PFKFB3: variants seen among roughly 807,000 people sequenced by gnomAD.
PFKFB3 encodes the protein 6-phosphofructo-2-kinase/fructose-2,6-bisphosphatase 3.
PFKFB3 carries 33 observed loss-of-function variants against 68.0 expected under a neutral mutation model. The ratio of observed to expected loss-of-function variants is 0.49; its 90% CI spans 0.37 to 0.65. PFKFB3 has a LOEUF of 0.65. Ranked by LOEUF, PFKFB3 falls within the 30% of genes least tolerant of loss-of-function variation. The pLI is 0.00. For synonymous variants in PFKFB3, 315 were observed against 288.2 expected, an observed-to-expected ratio of 1.09 and a Z score of -0.94; for missense variants, 586 against 712.2, an observed-to-expected ratio of 0.82 and a Z score of 2.02.
downstream of PFKFB3, chr10:6,254,685 C>T (rs1027035083): frequency 1.9e-5 from 4 of 209,926 alleles, no homozygotes; most frequent in Admixed American, 2.4e-4. Context: ...TTTTACCCAA[C>T]TATAGGCTAA....
At chr10:6,316,154 T>C in the PFKFB3 span, among the ~76,000 whole-genome samples, 1 of 152,206 alleles carries the variant, frequency 6.6e-6, no homozygotes, top group Admixed American at 6.5e-5. Context: ...AGGTGGACTG[T>C]GATAGACGTA....
At chr10:6,322,996 G>A in the PFKFB3 span, among the ~76,000 whole-genome samples, 1 of 152,246 alleles carries the variant, frequency 6.6e-6, no homozygotes, top group African/African-American at 2.4e-5. Flanking sequence ...AAGACCATCT[G>A]TTACATTGTC....
chr10:6,263,699 G>C, the PFKFB3 span, among the ~76,000 whole-genome samples: 1 of 146,458 alleles, frequency 6.8e-6, no homozygotes, highest in South Asian at 2.2e-4. Flanking sequence ...ATTTTCTTCT[G>C]TTTTTGAGAC....
At chr10:6,232,869 C>T (rs372085997) in intron 14 of PFKFB3, 26 bp from the exon 15 acceptor site, 1 of 1,603,850 alleles carries the variant, frequency 6.2e-7, no homozygotes, top group Non-Finnish European at 8.5e-7. Context: ...AACTCCCTCC[C>T]CACCTCTCTT....
chr10:6,152,648 G>A (rs1173313417), intron 1 of PFKFB3, among the ~76,000 whole-genome samples: 3 of 152,088 alleles, frequency 2.0e-5, no homozygotes, highest in South Asian at 4.1e-4. Context: ...AGGCTGAGGT[G>A]GGAGGATTGC....
intron 1 of PFKFB3, among the ~76,000 whole-genome samples, chr10:6,175,775 T>A (rs1354064349): frequency 6.6e-6 from 1 of 152,174 alleles, no homozygotes; most frequent in Non-Finnish European, 1.5e-5. Context: ...CCTCCCTAAT[T>A]ATTCAAGAGA....
chr10:6,280,802 A>G, the PFKFB3 span, among the ~76,000 whole-genome samples: 3 of 150,692 alleles, frequency 2.0e-5, no homozygotes, highest in Non-Finnish European at 3.0e-5. Context: ...TTTTTGTTTT[A>G]AATTTTTTAT....
the PFKFB3 span, among the ~76,000 whole-genome samples, chr10:6,311,977 G>C: frequency 6.6e-6 from 1 of 152,282 alleles, no homozygotes; most frequent in Admixed American, 6.5e-5. Context: ...TAGAGGCACA[G>C]ACTACATTTA....
At chr10:6,187,017 G>A (rs634506) in intron 1 of PFKFB3, among the ~76,000 whole-genome samples, 67,542 of 151,294 alleles carry the variant, frequency 0.45, 16,203 homozygotes, top group Non-Finnish European at 0.56. Context: ...GAAGCTGGCA[G>A]GGGAGACCAA....
chr10:6,284,272 G>A, the PFKFB3 span, among the ~76,000 whole-genome samples: 14 of 152,232 alleles, frequency 9.2e-5, no homozygotes, highest in South Asian at 1.2e-3. Context: ...TTTTTATACC[G>A]GGGTGTTGAA....
In PFKFB3 at chr10:6,174,319, A is replaced by T. The variant is rs17151438; in HGVS notation, c.16+29306A>T. ...CCTTTCCCGTCCAGCCTTACAGCCT[A>T]GTTTATCAATCCAGGACAGGGGTTC... On this transcript the variant is annotated intron_variant, in intron 1 of 14. Transcript: ENST00000379789. Among the ~76,000 whole-genome samples the T allele has an allele frequency of 2.7e-4, 41 of 152,328 alleles. No individual in the cohort carries two copies. The East Asian group carries it at 7.5e-3, about 28-fold the overall frequency.
At chr10:6,182,402 A>C (rs1445184210) in intron 1 of PFKFB3, among the ~76,000 whole-genome samples, 4 of 152,148 alleles carry the variant, frequency 2.6e-5, no homozygotes, top group Non-Finnish European at 5.9e-5. Context: ...ACCTAAGACT[A>C]ATCTGGAGTG....
At chr10:6,262,877 A>G in the PFKFB3 span, among the ~76,000 whole-genome samples, 1 of 152,338 alleles carries the variant, frequency 6.6e-6, no homozygotes, top group African/African-American at 2.4e-5. Context: ...GCTGCTGTCC[A>G]GCGGTGCTAA....
chr10:6,302,573 G>C, the PFKFB3 span, among the ~76,000 whole-genome samples: 1 of 148,486 alleles, frequency 6.7e-6, no homozygotes, highest in Non-Finnish European at 1.5e-5. Flanking sequence ...TAGAGACGGG[G>C]TTTCACCATG....
intron 1 of PFKFB3, among the ~76,000 whole-genome samples, chr10:6,205,565 A>T (rs1419971712): frequency 6.6e-6 from 1 of 151,268 alleles, no homozygotes; most frequent in Non-Finnish European, 1.5e-5. Context: ...GCTAATTTTC[A>T]TATTTTTAGT....
At chr10:6,204,435 G>C (rs1343115715) in intron 1 of PFKFB3, among the ~76,000 whole-genome samples, 1 of 152,230 alleles carries the variant, frequency 6.6e-6, no homozygotes, top group Non-Finnish European at 1.5e-5. Flanking sequence ...TTCTTAGGAC[G>C]GCCCCCGCGG....
intron 14 of PFKFB3, among the ~76,000 whole-genome samples, chr10:6,230,018 C>T (rs1162421584): frequency 6.6e-6 from 1 of 152,100 alleles, no homozygotes; most frequent in Non-Finnish European, 1.5e-5. Flanking sequence ...GGTTAGGGAC[C>T]CCTGCGTTAG....
chr10:6,293,805 G>A, the PFKFB3 span: 1 of 406,662 alleles, frequency 2.5e-6, no homozygotes, highest in East Asian at 6.0e-5. Flanking sequence ...AGCCTGCACA[G>A]TTTTCACCAT....
chr10:6,298,997 T>C, the PFKFB3 span, among the ~76,000 whole-genome samples: 37 of 152,370 alleles, frequency 2.4e-4, no homozygotes, highest in East Asian at 5.8e-3. Flanking sequence ...TGGTGCATCC[T>C]GATTTCATTT....
Sources: gnomAD v4.1 joint callset for allele counts (sites outside exome capture counted in the v4.1 genomes callset) on GRCh38, gnomAD v4.1.1 for gene constraint, MANE v1.5 for transcripts, NCBI Gene and HGNC (gene_info 2026-07-23, HGNC 2026-07-21) for gene names.